The following CNTNAP2 variants were observed in gnomAD, a reference collection of about 807,000 sequenced individuals.
The protein encoded by CNTNAP2 is contactin associated protein 2.
In CNTNAP2, 98 loss-of-function variants were observed where a neutral mutation model predicts 155.2. The ratio of observed to expected loss-of-function variants is 0.63; its 90% CI spans 0.54 to 0.75. CNTNAP2 has a LOEUF of 0.75. Among genes scored for constraint, CNTNAP2 ranks in the 30% least tolerant of loss-of-function variants. The probability of loss-of-function intolerance (pLI) is 0.00; values close to 1 mark genes in which losing one functional copy is unlikely to be tolerated. For missense variants in CNTNAP2, 1,727 were observed against 1,688.1 expected (o/e 1.02, Z -0.40); for synonymous variants, 651 against 631.2 (o/e 1.03, Z -0.47).
intron 8 of CNTNAP2, among the ~76,000 whole-genome samples, chr7:147,165,154 C>A (rs113003416): frequency 6.6e-6 from 1 of 151,552 alleles, no homozygotes; most frequent in Non-Finnish European, 1.5e-5. Context: ...ATTTAAAATC[C>A]AAAGTATTTT....
chr7:148,228,404 G>C (rs531163609), intron 19 of CNTNAP2, among the ~76,000 whole-genome samples: 20 of 152,092 alleles, frequency 1.3e-4, no homozygotes, highest in Middle Eastern at 3.2e-3. Flanking sequence ...CTATCATTGA[G>C]GGCAAAAAGG....
chr7:148,206,603 G>A (rs781418998), intron 18 of CNTNAP2, among the ~76,000 whole-genome samples: 3 of 152,108 alleles, frequency 2.0e-5, no homozygotes, highest in African/African-American at 4.8e-5. Flanking sequence ...ACATCCTCCC[G>A]CTGTCGTTCC....
chr7:148,123,340 C>A (rs1485391946), intron 16 of CNTNAP2, among the ~76,000 whole-genome samples: 2 of 152,150 alleles, frequency 1.3e-5, no homozygotes, highest in Non-Finnish European at 2.9e-5. Context: ...GTCATCCCAG[C>A]ACTTTAGGAG....
intron 1 of CNTNAP2, among the ~76,000 whole-genome samples, chr7:146,314,005 T>G (rs1382143831): frequency 2.0e-5 from 3 of 148,674 alleles, no homozygotes; most frequent in South Asian, 4.2e-4. Context: ...TCTCAAAAAA[T>G]TATATATGTA....
intron 9 of CNTNAP2, among the ~76,000 whole-genome samples, chr7:147,370,499 G>GT (rs1222600413): frequency 2.0e-5 from 3 of 151,782 alleles, no homozygotes; most frequent in Non-Finnish European, 4.4e-5. Context: ...TTAAATTGTT[G>GT]TAACTTGAAA....
intron 8 of CNTNAP2, among the ~76,000 whole-genome samples, chr7:147,177,930 T>G (rs1046981184): frequency 6.6e-6 from 1 of 152,148 alleles, no homozygotes; most frequent in Non-Finnish European, 1.5e-5. Flanking sequence ...GAAAATACCT[T>G]ACGTCTAGGC....
intron 21 of CNTNAP2, among the ~76,000 whole-genome samples, chr7:148,368,873 A>G (rs926135470): frequency 1.3e-5 from 2 of 152,198 alleles, no homozygotes; most frequent in African/African-American, 4.8e-5. Flanking sequence ...TGGAGTCTAT[A>G]GATAACATCA....
rs184381472 is a variant in CNTNAP2 at position 147,788,413 on chromosome 7, C to T, written c.2099-115152C>T. On this transcript the variant is annotated intron_variant, in intron 13 of 23. Transcript: ENST00000361727. ...TGGCTTGAATGCTTGAATGTTTGTTCTTACCACTTATTTTCCAGATAAGCT... is the reference window on the plus strand; with the variant it reads ...TGGCTTGAATGCTTGAATGTTTGTTTTTACCACTTATTTTCCAGATAAGCT... 3.9e-5 allele frequency among the ~76,000 whole-genome samples: 6 copies of T among 152,248 alleles called. No homozygotes were observed. In the East Asian group the frequency reaches 1.2e-3, roughly 29 times the overall value.
At position 148,009,806 on chromosome 7, in the gene CNTNAP2, C is replaced by T. The variant is rs190759441; in HGVS notation, c.2383+31817C>T. 5.9e-5 allele frequency among the ~76,000 whole-genome samples: 9 copies of T among 152,128 alleles called. No individual in the cohort carries two copies. The East Asian group carries it at 1.5e-3, about 26-fold the overall frequency. ...ATTTCTTTTTCTGTTTTATGATATT[C>T]CATTCACATGACTATACTACACTTC... On this transcript the variant is annotated intron_variant, in intron 15 of 23. Transcript: ENST00000361727.
intron 3 of CNTNAP2, among the ~76,000 whole-genome samples, chr7:146,971,036 G>T (rs1439967337): frequency 1.3e-5 from 2 of 152,058 alleles, no homozygotes; most frequent in Admixed American, 6.6e-5. Flanking sequence ...ACAGGAAGGG[G>T]AACATCACAC....
intron 4 of CNTNAP2, among the ~76,000 whole-genome samples, chr7:147,070,761 A>G (rs182744694): frequency 4.9e-4 from 75 of 152,304 alleles, no homozygotes; most frequent in Non-Finnish European, 1.0e-3. Context: ...GGCAACTTTA[A>G]CTAGCTTTCA....
chr7:146,186,705 T>C (rs758955361), intron 1 of CNTNAP2, among the ~76,000 whole-genome samples: 6 of 152,186 alleles, frequency 3.9e-5, no homozygotes, highest in Non-Finnish European at 5.9e-5. Flanking sequence ...TCTTCTGGTA[T>C]CTAATATTAT....
At position 147,462,619 on chromosome 7, in the gene CNTNAP2, G is replaced by A. The variant is rs556764308; in HGVS notation, c.1671-23316G>A. On this transcript the variant is annotated intron_variant, in intron 10 of 23. Transcript: ENST00000361727. The stretch of plus-strand genomic sequence containing the variant: ...CGTTGGGACATAAACAGATGAAAAA[G>A]GCAGTTGTCATATACCATAGTAACC... Among the ~76,000 whole-genome samples the A allele has an allele frequency of 2.0e-5, 3 of 152,310 alleles. No individual in the cohort carries two copies. In the South Asian group the frequency reaches 6.2e-4, roughly 32 times the overall value.
intron 12 of CNTNAP2, among the ~76,000 whole-genome samples, chr7:147,632,174 T>C (rs571282749): frequency 6.6e-6 from 1 of 151,896 alleles, no homozygotes; most frequent in Admixed American, 6.6e-5. Flanking sequence ...AGAGCATGAG[T>C]AGAGAATTCT....
chr7:148,283,239 C>CAAAA (rs1199411040), intron 21 of CNTNAP2, among the ~76,000 whole-genome samples: 1 of 27,960 alleles, frequency 3.6e-5, no homozygotes, highest in African/African-American at 8.6e-5. Context: ...AACTCTGTCT[C>CAAAA]AAAAAAAAAA....
In CNTNAP2 at chr7:148,420,530, C is replaced by T. The variant is rs536604548; in HGVS notation, c.*4914C>T. The stretch of plus-strand genomic sequence containing the variant: ...GGCACACATGTATTAATATACAGCA[C>T]GCATTTACAAGTTTATTTTCCAGAT... On this transcript the variant is annotated 3_prime_UTR_variant, in exon 24 of 24. Transcript: ENST00000361727. 4.6e-5 allele frequency: 7 copies of T among 152,210 alleles called. No homozygotes were observed. The highest frequency in any genetic ancestry group is 2.6e-4 in the Admixed American group (4 of 15,282). The allele number at this position is 152,210 out of a possible 1,614,324, so 9.4% of individuals were successfully genotyped here. A position where few individuals can be genotyped will look rare whatever the true frequency, so the allele number is the denominator to read the frequency against.
At chr7:147,853,666 T>A (rs1798988523) in intron 13 of CNTNAP2, among the ~76,000 whole-genome samples, 1 of 152,210 alleles carries the variant, frequency 6.6e-6, no homozygotes, top group Non-Finnish European at 1.5e-5. Context: ...AACACAATTA[T>A]TTCTGGATGA....
intron 21 of CNTNAP2, among the ~76,000 whole-genome samples, chr7:148,297,165 A>AAAGGAAGGAAGTAAGG (rs1797300205): frequency 7.8e-6 from 1 of 128,832 alleles, no homozygotes; most frequent in Non-Finnish European, 1.6e-5. Context: ...GAGATAGAGA[A>AAAGGAAGGAAGTAAGG]AAGGAAGGAA....
intron 3 of CNTNAP2, among the ~76,000 whole-genome samples, chr7:146,907,228 A>G (rs1003425474): frequency 5.3e-5 from 8 of 150,836 alleles, no homozygotes; most frequent in Non-Finnish European, 1.0e-4. Context: ...AACACTCTGC[A>G]GGATATTATC....
Sources: allele counts gnomAD v4.1 joint callset (sites outside exome capture counted in the v4.1 genomes callset), GRCh38; gene constraint gnomAD v4.1.1; transcripts MANE v1.5; gene names NCBI Gene and HGNC (gene_info 2026-07-23, HGNC 2026-07-21).